The following CAB39L variants were observed in gnomAD, a reference collection of about 807,000 sequenced individuals.
The protein encoded by CAB39L is calcium binding protein 39 like, also known as calcium-binding protein 39-like.
Under a neutral mutation model 39.1 loss-of-function variants are expected in CAB39L, and 23 were observed. The observed-to-expected ratio is 0.59, with a 90% CI of 0.42 to 0.83. CAB39L has a LOEUF of 0.83. Ranked by LOEUF, CAB39L falls within the 40% of genes least tolerant of loss-of-function variation. The pLI is 0.00. For synonymous variants in CAB39L, 126 were observed against 137.2 expected (o/e 0.92, Z 0.57); for missense variants, 366 against 391.9 (o/e 0.93, Z 0.56).
At chr13:49,381,117 G>A (rs1405481552) in intron 4 of CAB39L, among the ~76,000 whole-genome samples, 3 of 152,044 alleles carry the variant, frequency 2.0e-5, no homozygotes, top group African/African-American at 4.8e-5. Context: ...TAGTAGAGGC[G>A]GGGTTTCACC....
At chr13:49,350,247 C>A (rs1353524757) in intron 7 of CAB39L, among the ~76,000 whole-genome samples, 1 of 152,128 alleles carries the variant, frequency 6.6e-6, no homozygotes, top group Non-Finnish European at 1.5e-5. Context: ...TTTTGTTTCA[C>A]CATGTGGACA....
At chr13:49,350,456 A>G (rs1231997710) in intron 7 of CAB39L, among the ~76,000 whole-genome samples, 1 of 152,196 alleles carries the variant, frequency 6.6e-6, no homozygotes, top group Non-Finnish European at 1.5e-5. Flanking sequence ...CATAAATGAC[A>G]GCATGCCACA....
At chr13:49,389,439 G>A (rs1007963444) in intron 3 of CAB39L, among the ~76,000 whole-genome samples, 4 of 152,080 alleles carry the variant, frequency 2.6e-5, no homozygotes, top group Admixed American at 6.5e-5. Context: ...CCAGGAGTTC[G>A]AGACCAGCAT....
At chr13:49,390,042 G>A (rs191571791) in intron 3 of CAB39L, among the ~76,000 whole-genome samples, 18 of 151,992 alleles carry the variant, frequency 1.2e-4, no homozygotes, top group Admixed American at 3.3e-4. Flanking sequence ...GGCTGGCCTC[G>A]AACTCCTGGC....
chr13:49,407,483 G>C (rs548927960), intron 3 of CAB39L, among the ~76,000 whole-genome samples: 2 of 151,982 alleles, frequency 1.3e-5, no homozygotes, highest in African/African-American at 2.4e-5. Flanking sequence ...GGTTAAAAAA[G>C]AGTTCATTGT....
intron 3 of CAB39L, among the ~76,000 whole-genome samples, chr13:49,404,071 C>T (rs1293890168): frequency 1.3e-5 from 2 of 152,182 alleles, no homozygotes; most frequent in African/African-American, 4.8e-5. Flanking sequence ...TTGGGCATAA[C>T]CCAGTACTGT....
intron 10 of CAB39L, among the ~76,000 whole-genome samples, chr13:49,329,544 A>ATATAT (rs1435309431): frequency 3.0e-5 from 1 of 33,836 alleles, no homozygotes; most frequent in African/African-American, 1.6e-4. Flanking sequence ...TAAAAAAAAA[A>ATATAT]ATATATATAT....
chr13:49,379,437 AG>A (rs1168424827), intron 4 of CAB39L, among the ~76,000 whole-genome samples: 1 of 31,966 alleles, frequency 3.1e-5, no homozygotes, highest in Admixed American at 2.6e-4. Flanking sequence ...GTGTCCACTC[AG>A]GGTTAAATGG....
chr13:49,387,018 C>T (rs975122493), intron 3 of CAB39L, among the ~76,000 whole-genome samples: 8 of 152,190 alleles, frequency 5.3e-5, no homozygotes, highest in Non-Finnish European at 1.0e-4. Flanking sequence ...GCACTCAAAC[C>T]TTCTACACAA....
chr13:49,317,757 A>G (rs950054285), intron 10 of CAB39L, among the ~76,000 whole-genome samples: 5 of 152,232 alleles, frequency 3.3e-5, no homozygotes, highest in Non-Finnish European at 7.3e-5. Flanking sequence ...AATGAAAGAA[A>G]AAACAGGTAA....
intron 3 of CAB39L, among the ~76,000 whole-genome samples, chr13:49,422,590 A>T (rs764724761): frequency 4.0e-5 from 6 of 151,636 alleles, no homozygotes; most frequent in Non-Finnish European, 7.4e-5. Context: ...ATAAATAAAT[A>T]TAATTTTAAA....
chr13:49,387,525 A>C (rs1217437404), intron 3 of CAB39L, among the ~76,000 whole-genome samples: 1 of 152,238 alleles, frequency 6.6e-6, no homozygotes, highest in African/African-American at 2.4e-5. Context: ...CAGGCCATGC[A>C]GCACAGAAAT....
intron 5 of CAB39L, among the ~76,000 whole-genome samples, chr13:49,372,073 A>C (rs1255325313): frequency 6.6e-6 from 1 of 152,034 alleles, no homozygotes; most frequent in Non-Finnish European, 1.5e-5. Flanking sequence ...CAGGCAATAC[A>C]TTTTCCCTCC....
chr13:49,395,502 G>A (rs1444272108), intron 3 of CAB39L, among the ~76,000 whole-genome samples: 1 of 152,060 alleles, frequency 6.6e-6, no homozygotes, highest in Non-Finnish European at 1.5e-5. Flanking sequence ...AAAGTGCTGG[G>A]ATTACAGGCA....
At chr13:49,423,526 T>C (rs1257268277) in intron 3 of CAB39L, among the ~76,000 whole-genome samples, 1 of 152,064 alleles carries the variant, frequency 6.6e-6, no homozygotes, top group Non-Finnish European at 1.5e-5. Flanking sequence ...CAGAGCAGCC[T>C]GGGCAACAGA....
chr13:49,377,465 T>G (rs1255549170), intron 4 of CAB39L, among the ~76,000 whole-genome samples: 1 of 94,068 alleles, frequency 1.1e-5, no homozygotes, highest in Non-Finnish European at 2.1e-5. Flanking sequence ...GAAGCTGGAC[T>G]GTACTGCTGC....
chr13:49,343,835 T>A (rs1295680519), intron 8 of CAB39L, among the ~76,000 whole-genome samples: 2 of 152,194 alleles, frequency 1.3e-5, no homozygotes, highest in Non-Finnish European at 2.9e-5. Context: ...AGACTAATTA[T>A]CAACCAAGTA....
At chr13:49,328,512 G>A (rs1954570235) in intron 10 of CAB39L, among the ~76,000 whole-genome samples, 2 of 152,100 alleles carry the variant, frequency 1.3e-5, no homozygotes, top group South Asian at 4.2e-4. Flanking sequence ...TTGAACAGAA[G>A]TTTAAAATTT....
Position 49,338,883 on chromosome 13 carries a change from G to A in CAB39L, c.690+794C>T, listed in dbSNP as rs920766953. 1.2e-4 allele frequency among the ~76,000 whole-genome samples: 18 copies of A among 152,244 alleles called. 1 individual carries two copies. The East Asian group carries it at 2.3e-3, about 20-fold the overall frequency. On this transcript the variant is annotated intron_variant, in intron 9 of 10. Transcript: ENST00000409308. ...AACCTGCAGGAAAACACTGACTGTC[G>A]TGAATGCTCAGGGAATGGGACCTGG...
Sources: allele counts gnomAD v4.1 joint callset (sites outside exome capture counted in the v4.1 genomes callset), GRCh38; gene constraint gnomAD v4.1.1; transcripts MANE v1.5; gene names NCBI Gene and HGNC (gene_info 2026-07-23, HGNC 2026-07-21).